The following CASP10 variants were observed in gnomAD, a reference collection of about 807,000 sequenced individuals.
CASP10 encodes the protein caspase-10.
In CASP10, 41 loss-of-function variants were observed where a neutral mutation model predicts 48.5. The ratio of observed to expected loss-of-function variants is 0.85; its 90% confidence interval spans 0.66 to 1.10. The LOEUF (loss-of-function observed/expected upper bound fraction) is 1.10. Ranked by LOEUF, CASP10 falls within the 50% of genes least tolerant of loss-of-function variation. CASP10 has a pLI of 0.00. For missense variants in CASP10, 614 were observed against 614.5 expected (o/e 1.00, Z 0.01); for synonymous variants, 232 against 238.4 (o/e 0.97, Z 0.25).
Position 201,209,243 on chromosome 2 carries a change from T to C in CASP10, c.1096T>C (p.Ser366Pro). Residue 366 changes from serine (S) to proline (P), a missense_variant, in exon 9 of 10, where the codon TCT (serine) becomes CCT (proline). Coordinates refer to ENST00000286186, the MANE Select transcript of CASP10 (RefSeq NM_032977.4). ...CCATGGGAGATTTGGAGCTGTCTACTCTTCGGATGAGGCCCTCATTCCCAT... is the reference window on the plus strand; with the variant it reads ...CCATGGGAGATTTGGAGCTGTCTACCCTTCGGATGAGGCCCTCATTCCCAT... Reference protein sequence around the residue: ...LTHGRFGAVYSSDEALIPIRE... With the variant: ...LTHGRFGAVYPSDEALIPIRE... The C allele has an allele frequency of 1.2e-6, 2 of 1,614,206 alleles. No homozygotes were observed. Among genetic ancestry groups the C allele is most frequent in the Non-Finnish European group, 1.7e-6 (2 of 1,180,040 alleles).
chr2:201,207,583 C>T (rs997603428), intron 7 of CASP10, among the ~76,000 whole-genome samples: 1 of 151,990 alleles, frequency 6.6e-6, no homozygotes, highest in African/African-American at 2.4e-5. Flanking sequence ...ATAGTGAAAC[C>T]CCGTCTCTAC....
Position 201,187,695 on chromosome 2 carries a change from G to A in CASP10, c.348-11G>A. Reference sequence around the variant, plus strand: ...TAAGGCTTTATTTGTCATTTTGGGTGTGTGTCTTAGAAACCTGCTCTACGA... The same window carrying A: ...TAAGGCTTTATTTGTCATTTTGGGTATGTGTCTTAGAAACCTGCTCTACGA... On this transcript the variant is annotated splice_polypyrimidine_tract_variant and intron_variant, in intron 2 of 9. Coordinates refer to ENST00000286186, the MANE Select transcript of CASP10 (RefSeq NM_032977.4). The A allele has an allele frequency of 3.1e-6, 5 of 1,602,108 alleles. No homozygotes were observed. The East Asian group carries it at 8.9e-5, about 29-fold the overall frequency.
rs1945683479 is a variant in CASP10 at position 201,220,070 on chromosome 2, G to A, written c.*2329G>A. 2.0e-6 allele frequency: 2 copies of A among 985,390 alleles called. No homozygotes were observed. Among genetic ancestry groups the A allele is most frequent in the South Asian group, 9.4e-5 (2 of 21,286 alleles). The allele number at this position is 985,390 out of a possible 1,614,324, so 61.0% of individuals were successfully genotyped here. On this transcript the variant is annotated 3_prime_UTR_variant, in exon 10 of 10. Coordinates refer to ENST00000286186, the MANE Select transcript of CASP10 (RefSeq NM_032977.4). Reference sequence around the variant, plus strand: ...AGTCAAATTCATGTACAGTAAATTTGTTATAAGAATATTCACAAGAACACT... The same window carrying A: ...AGTCAAATTCATGTACAGTAAATTTATTATAAGAATATTCACAAGAACACT...
At chr2:201,200,618 G>A (rs1423034165) in intron 5 of CASP10, 9 of 1,469,980 alleles carry the variant, frequency 6.1e-6, no homozygotes, top group African/African-American at 1.4e-5. Context: ...AACCTCATTC[G>A]GCAGGTGGAG....
chr2:201,201,887 A>G lies in CASP10; in HGVS notation c.685-1843A>G, dbSNP rs931357036. ...CATCGAATTTTAAGCAACATCTCCT[A>G]ATATGTTTAAAAATTAAATTTATTT... On this transcript the variant is annotated intron_variant, in intron 5 of 9. Transcript: ENST00000286186. 1.1e-4 allele frequency among the ~76,000 whole-genome samples: 17 copies of G among 152,072 alleles called. 1 individual carries two copies. The highest frequency in any genetic ancestry group is 9.2e-4 in the Admixed American group (14 of 15,262).
intron 1 of CASP10, among the ~76,000 whole-genome samples, chr2:201,185,352 C>T (rs568816958): frequency 5.3e-5 from 8 of 152,236 alleles, no homozygotes; most frequent in African/African-American, 1.9e-4. Context: ...ACCCTGCCTC[C>T]CCCAGATTGC....
In CASP10 at chr2:201,218,873, A is replaced by G. The variant is rs1373606084; in HGVS notation, c.*1132A>G. 3 of 985,334 alleles carry G rather than the reference A, an allele frequency of 3.0e-6. No individual in the cohort carries two copies. Among genetic ancestry groups the G allele is most frequent in the Non-Finnish European group, 3.6e-6 (3 of 829,950 alleles). The allele number at this position is 985,334 out of a possible 1,614,324, so 61.0% of individuals were successfully genotyped here. On this transcript the variant is annotated 3_prime_UTR_variant, in exon 10 of 10. Transcript: ENST00000286186. ...GCTTTTGTGTAAGGAAGGTGCTCAC[A>G]TAGGAAGTTTTTATTTGGTTAGAGA...
chr2:201,203,795 C>T (rs1945110369), intron 6 of CASP10, 29 bp downstream of exon 6: 2 of 1,581,078 alleles, frequency 1.3e-6, no homozygotes. Flanking sequence ...CTTTTTACAA[C>T]TTAGATCGGT....
rs531189320 is a variant in CASP10, at chr2:201,206,517, T to TTA, written c.813+554_813+555dup. On this transcript the variant is annotated intron_variant, in intron 7 of 9. Coordinates refer to ENST00000286186, the MANE Select transcript of CASP10 (RefSeq NM_032977.4). The stretch of plus-strand genomic sequence containing the variant: ...ACATATGAATATATATCAGCCATCT[T>TTA]TATATATATATGAATATATATGTGT... 2.6e-4 allele frequency among the ~76,000 whole-genome samples: 38 copies of TTA among 148,442 alleles called. No homozygotes were observed. The East Asian group carries it at 5.1e-3, about 20-fold the overall frequency.
chr2:201,205,910 C>A lies in CASP10; in HGVS notation c.750C>A (p.Ser250Arg). ...NGNRATNGAP[S>R]LVSRGMQGAS... The stretch of plus-strand genomic sequence containing the variant: ...ACAGAGCCACAAATGGTGCACCAAG[C>A]CTGGTCTCCAGGGGGATGCAAGGAG... The change falls in exon 7 of 10, where the codon AGC (serine) becomes AGA (arginine). Residue 250 changes from serine to arginine, a missense_variant. Physicochemically the swap from Ser to Arg is moderately radical, Grantham distance 110. Coordinates refer to ENST00000286186, the MANE Select transcript of CASP10 (RefSeq NM_032977.4). 3 of 1,612,592 alleles carry A rather than the reference C, an allele frequency of 1.9e-6. No homozygotes were observed. The highest frequency in any genetic ancestry group is 2.5e-6 in the Non-Finnish European group (3 of 1,178,658).
chr2:201,200,730 G>T (rs540098327), intron 5 of CASP10: 2 of 1,243,868 alleles, frequency 1.6e-6, no homozygotes, highest in Middle Eastern at 3.1e-4. Flanking sequence ...TAACACCTCC[G>T]CCTGCTTGCT....
At chr2:201,224,632 G>A (rs1003880123), downstream of CASP10, among the ~76,000 whole-genome samples, 3 of 152,166 alleles carry the variant, frequency 2.0e-5, no homozygotes, top group African/African-American at 7.2e-5. Context: ...TTTCTTGGAA[G>A]AAAGAACATA....
At chr2:201,208,282 C>T (rs897717908) in intron 8 of CASP10, 99 bp downstream of exon 8, 27 of 1,473,146 alleles carry the variant, frequency 1.8e-5, no homozygotes, top group Middle Eastern at 1.8e-4. Context: ...CTTCCATATA[C>T]GTGTAAGGAT....
chr2:201,225,125 T>A (rs887693101), downstream of CASP10, among the ~76,000 whole-genome samples: 7 of 152,168 alleles, frequency 4.6e-5, no homozygotes, highest in Non-Finnish European at 1.5e-5. Flanking sequence ...GACCTTCCCT[T>A]CAAGGATCTT....
chr2:201,217,982 C>A lies in CASP10; in HGVS notation c.*241C>A, dbSNP rs370987136. 3 of 1,109,218 alleles carry A rather than the reference C, an allele frequency of 2.7e-6. No homozygotes were observed. In the Admixed American group the frequency reaches 9.7e-5, roughly 36 times the overall value. 68.7% of individuals were successfully genotyped at this position (1,109,218 alleles called of 1,614,324 possible). A position where few individuals can be genotyped will look rare whatever the true frequency, so the allele number is the denominator to read the frequency against. On this transcript the variant is annotated 3_prime_UTR_variant, in exon 10 of 10. Coordinates refer to ENST00000286186, the MANE Select transcript of CASP10 (RefSeq NM_032977.4). ...AGACTGGAGTGCAGGGGGGCAATCA[C>A]GGCTCACTGTAGTCTCGACCTCCCA...
intron 5 of CASP10, chr2:201,200,580 G>C (rs1354245326): frequency 6.3e-7 from 1 of 1,577,592 alleles, no homozygotes; most frequent in Non-Finnish European, 8.5e-7. Flanking sequence ...ACAGAGCCGG[G>C]AGAGGCCTGC....
chr2:201,208,222 G>T, intron 8 of CASP10, 39 bp downstream of exon 8: 1 of 1,588,224 alleles, frequency 6.3e-7, no homozygotes, highest in Non-Finnish European at 8.5e-7. Context: ...TGCAAATTGG[G>T]GATCTTAAAA....
chr2:201,213,783 A>C (rs1268341002), intron 9 of CASP10: 1 of 152,236 alleles, frequency 6.6e-6, no homozygotes, highest in African/African-American at 2.4e-5. Flanking sequence ...AACAAGTACC[A>C]TGTGGCTTAC....
chr2:201,200,520 A>G, intron 5 of CASP10: 1 of 1,598,106 alleles, frequency 6.3e-7, no homozygotes, highest in Non-Finnish European at 8.5e-7. Flanking sequence ...AGCTTGGCAA[A>G]GGCTGGGCAA....
Sources: gnomAD v4.1 joint callset for allele counts (sites outside exome capture counted in the v4.1 genomes callset) on GRCh38, gnomAD v4.1.1 for gene constraint, MANE v1.5 for transcripts, NCBI Gene and HGNC (gene_info 2026-07-23, HGNC 2026-07-21) for gene names.